AGBL1: variants seen among roughly 807,000 people sequenced by gnomAD.
The protein encoded by AGBL1 is AGBL carboxypeptidase 1, also known as cytosolic carboxypeptidase 4.
AGBL1 carries 130 observed loss-of-function variants against 118.9 expected under a neutral mutation model. The observed-to-expected ratio is 1.09, with a 90% CI of 0.95 to 1.26. The LOEUF is 1.26. Among genes scored for constraint, AGBL1 ranks in the 50% most tolerant of loss-of-function variants. AGBL1 has a pLI of 0.00. For synonymous variants in AGBL1, 555 were observed against 478.9 expected, an observed-to-expected ratio of 1.16 and a Z score of -2.08; for missense variants, 1,584 against 1,298.1, an observed-to-expected ratio of 1.22 and a Z score of -3.38.
At chr15:86,473,712 T>C (rs1009669345) in intron 18 of AGBL1, among the ~76,000 whole-genome samples, 2 of 152,228 alleles carry the variant, frequency 1.3e-5, no homozygotes. Flanking sequence ...TTTTTCCAAA[T>C]TGTGATGCTT....
intron 13 of AGBL1, among the ~76,000 whole-genome samples, chr15:86,267,743 CTA>C (rs935176980): frequency 1.8e-4 from 28 of 152,206 alleles, no homozygotes; most frequent in African/African-American, 6.3e-4. Context: ...GCGGTTCTCA[CTA>C]TGTTAAAATT....
chr15:86,250,246 C>T (rs138903641), intron 7 of AGBL1, among the ~76,000 whole-genome samples: 19 of 151,808 alleles, frequency 1.3e-4, no homozygotes, highest in Admixed American at 2.6e-4. Flanking sequence ...TGCTCTTGGC[C>T]GGGAGTGGTG....
At chr15:86,117,882 G>A (rs1897860304) in intron 1 of AGBL1, among the ~76,000 whole-genome samples, 1 of 152,184 alleles carries the variant, frequency 6.6e-6, no homozygotes, top group Non-Finnish European at 1.5e-5. Context: ...ATTGGTGCGG[G>A]AATCTGTAGT....
chr15:86,194,781 T>G (rs945986179), intron 5 of AGBL1, among the ~76,000 whole-genome samples: 1 of 152,122 alleles, frequency 6.6e-6, no homozygotes, highest in African/African-American at 2.4e-5. Flanking sequence ...GTCTGAAAAT[T>G]TACACTATGG....
chr15:86,735,178 T>G, intron 22 of AGBL1, among the ~76,000 whole-genome samples: 1 of 151,976 alleles, frequency 6.6e-6, no homozygotes, highest in East Asian at 1.9e-4. Flanking sequence ...GCCTCCTGGG[T>G]TTCAGAGATT....
chr15:86,446,560 A>G (rs534780430), intron 18 of AGBL1, among the ~76,000 whole-genome samples: 59 of 152,274 alleles, frequency 3.9e-4, no homozygotes, highest in South Asian at 1.5e-3. Flanking sequence ...GTTTCTGATT[A>G]TTTTATTTCA....
intron 22 of AGBL1, among the ~76,000 whole-genome samples, chr15:86,690,180 A>T (rs1431095381): frequency 6.6e-6 from 1 of 152,130 alleles, no homozygotes; most frequent in African/African-American, 2.4e-5. Flanking sequence ...TTCTTTTGTT[A>T]GCTGTCTTCA....
At chr15:86,686,058 T>C (rs1260554294) in intron 22 of AGBL1, among the ~76,000 whole-genome samples, 1 of 152,212 alleles carries the variant, frequency 6.6e-6, no homozygotes, top group Admixed American at 6.5e-5. Context: ...CCTTTGTTGT[T>C]GTTCTTGATC....
At chr15:86,643,074 G>A (rs866244958) in intron 21 of AGBL1, among the ~76,000 whole-genome samples, 1 of 152,056 alleles carries the variant, frequency 6.6e-6, no homozygotes, top group East Asian at 1.9e-4. Context: ...TTTTAGGCTG[G>A]CTCACTGCAT....
chr15:86,606,195 A>G (rs112221810), intron 21 of AGBL1, among the ~76,000 whole-genome samples: 11 of 151,452 alleles, frequency 7.3e-5, no homozygotes. Context: ...TATTGAATTA[A>G]TCGGCTTCTA....
intron 17 of AGBL1, among the ~76,000 whole-genome samples, chr15:86,373,528 A>G (rs2080997666): frequency 6.6e-6 from 1 of 152,224 alleles, no homozygotes; most frequent in African/African-American, 2.4e-5. Context: ...CTTTTAGCAG[A>G]TCTGAGGAGA....
rs558847511 is a variant in AGBL1 at position 86,975,526 on chromosome 15, A to G, written c.3222-12461A>G. ...TAGGGACACAGTCAAGCCATATCAA[A>G]GACAAAGTATTTCCCTTATTTTACA... On this transcript the variant is annotated intron_variant, in intron 23 of 24. Transcript: ENST00000441037. Among the ~76,000 whole-genome samples the G allele has an allele frequency of 1.4e-4, 21 of 152,176 alleles. No homozygotes were observed. The East Asian group carries it at 3.9e-3, about 28-fold the overall frequency.
At chr15:86,112,802 A>G (rs950657449) in intron 1 of AGBL1, among the ~76,000 whole-genome samples, 1 of 152,228 alleles carries the variant, frequency 6.6e-6, no homozygotes, top group Non-Finnish European at 1.5e-5. Flanking sequence ...GAGGAGAAAG[A>G]TGGTAATTCA....
intron 24 of AGBL1, chr15:86,988,529 T>C (rs1346672883): frequency 2.6e-5 from 4 of 152,498 alleles, no homozygotes; most frequent in African/African-American, 9.6e-5. Flanking sequence ...GAGAAGTATA[T>C]TTTTATAATT....
At chr15:86,559,066 A>G (rs528961349) in intron 21 of AGBL1, among the ~76,000 whole-genome samples, 5 of 152,226 alleles carry the variant, frequency 3.3e-5, no homozygotes, top group Non-Finnish European at 4.4e-5. Context: ...TTGTCAACGC[A>G]TCACTACAAT....
chr15:86,832,761 G>T (rs1442624334), intron 22 of AGBL1, among the ~76,000 whole-genome samples: 2 of 152,126 alleles, frequency 1.3e-5, no homozygotes, highest in East Asian at 3.9e-4. Flanking sequence ...GAGTCCTTCA[G>T]ACTGTTCCAA....
intron 21 of AGBL1, among the ~76,000 whole-genome samples, chr15:86,663,009 T>G (rs975064109): frequency 2.6e-5 from 4 of 152,216 alleles, no homozygotes; most frequent in African/African-American, 9.7e-5. Context: ...TGAGCTGCTG[T>G]GGGGCTTGGA....
chr15:86,305,991 A>T (rs1016150253), intron 17 of AGBL1, among the ~76,000 whole-genome samples: 3 of 151,802 alleles, frequency 2.0e-5, no homozygotes, highest in Non-Finnish European at 2.9e-5. Flanking sequence ...AATAGTTTTT[A>T]AAATTTTTTT....
intron 5 of AGBL1, among the ~76,000 whole-genome samples, chr15:86,215,304 G>C (rs1467194356): frequency 1.3e-5 from 2 of 151,288 alleles, no homozygotes; most frequent in Admixed American, 1.3e-4. Context: ...ATTCAGGCAG[G>C]AGGCCGGCGC....
Sources: gnomAD v4.1 joint callset for allele counts (sites outside exome capture counted in the v4.1 genomes callset) on GRCh38, gnomAD v4.1.1 for gene constraint, MANE v1.5 for transcripts, NCBI Gene and HGNC (gene_info 2026-07-23, HGNC 2026-07-21) for gene names.